The following CFAP65 variants were observed in gnomAD, a reference collection of about 807,000 sequenced individuals.
CFAP65 encodes cilia- and flagella-associated protein 65.
A neutral mutation model predicts 208.0 loss-of-function variants in CFAP65; 155 were observed. The ratio of observed to expected loss-of-function variants is 0.75; its 90% confidence interval spans 0.65 to 0.85. CFAP65 has a LOEUF of 0.85. Among genes scored for constraint, CFAP65 ranks in the 40% least tolerant of loss-of-function variants. The pLI, the probability that CFAP65 is intolerant of heterozygous loss-of-function variation, is 0.00. For synonymous variants in CFAP65, 970 were observed against 986.3 expected (o/e 0.98, Z 0.31); for missense variants, 2,294 against 2,451.3 (o/e 0.94, Z 1.36).
intron 16 of CFAP65, 26 bp from the exon 17 acceptor site, chr2:219,022,355 A>G: frequency 1.9e-6 from 3 of 1,576,174 alleles, no homozygotes; most frequent in Non-Finnish European, 2.6e-6. Flanking sequence ...TGATCCCTGC[A>G]GTGGCCTTCG....
intron 20 of CFAP65, 129 bp from the exon 21 acceptor site, chr2:219,019,308 G>T (rs750182474): frequency 7.8e-7 from 1 of 1,284,392 alleles, no homozygotes; most frequent in Non-Finnish European, 1.1e-6. Context: ...CAGGCGCAAG[G>T]GTGGGCTGGC....
Position 219,031,316 on chromosome 2 carries a change from G to T in CFAP65, c.816-11C>A. ...AAGGTGGGCAGGTCCCTGGGGGTGG[G>T]GGGCAGGTCAGGGCACTGGGCTCCC... On this transcript the variant is annotated splice_polypyrimidine_tract_variant and intron_variant, in intron 7 of 34. Transcript: ENST00000341552. This position sits in a 1 kb window ranked among gnomAD's most constrained non-coding sequence, Gnocchi z 5.2. The T allele has an allele frequency of 6.2e-7, 1 of 1,613,100 alleles. No homozygotes were observed. The highest frequency in any genetic ancestry group is 8.5e-7 in the Non-Finnish European group (1 of 1,179,268).
rs913150452 is a variant in CFAP65 at position 219,004,870 on chromosome 2, G to A, written c.5052-415C>T. ...TGGTGGGATCTTGCAAAGAAGTTCT[G>A]TTTCTTTTTTTCTTTTCTCTCTCTC... On this transcript the variant is annotated intron_variant, in intron 32 of 34. Transcript: ENST00000341552. This position sits in a 1 kb window ranked among gnomAD's most constrained non-coding sequence, Gnocchi z 4.7. Among the ~76,000 whole-genome samples, 1 of 146,156 alleles carries A rather than the reference G, an allele frequency of 6.8e-6. No homozygotes were observed. The highest frequency in any genetic ancestry group is 2.8e-5 in the African/African-American group (1 of 35,872).
At chr2:219,007,186 T>G (rs1946077205) in intron 29 of CFAP65, among the ~76,000 whole-genome samples, 1 of 151,590 alleles carries the variant, frequency 6.6e-6, no homozygotes, top group Non-Finnish European at 1.5e-5. Flanking sequence ...TTCTTTGTTT[T>G]TTTTTTTGAC....
At chr2:219,006,249 AC>A (rs775339272) in intron 30 of CFAP65, 26 bp from the exon 31 acceptor site, 11 of 1,593,674 alleles carry the variant, frequency 6.9e-6, no homozygotes, top group Non-Finnish European at 9.4e-6. Flanking sequence ...GACATGGATG[AC>A]AAGGGTTTGG....
rs370228808 is a variant in CFAP65, at chr2:219,003,935, G to C, written c.5555+17C>G. On this transcript the variant is annotated intron_variant, in intron 33 of 34. Coordinates refer to ENST00000341552, the MANE Select transcript of CFAP65 (RefSeq NM_194302.4). This position sits in a 1 kb window ranked among gnomAD's most constrained non-coding sequence, Gnocchi z 4.4. ...ACTTCGCCTCCCTCCCGTCCTCACT[G>C]GGGCCTGGCTGCTCACCTTCTGATG... The C allele has an allele frequency of 3.2e-4, 515 of 1,601,768 alleles. No individual in the cohort carries two copies. Among genetic ancestry groups the C allele is most frequent in the Non-Finnish European group, 4.1e-4 (483 of 1,172,642 alleles).
At position 219,024,138 on chromosome 2, in the gene CFAP65, G is replaced by A. The variant is rs1279198124; in HGVS notation, c.2472C>T (p.Pro824=). The part of the protein sequence containing the change: ...PQRGSDVILR[P]TSGLVAPGAH... Reference sequence around the variant, plus strand: ...CCCCGGGTGCCACAAGGCCCGAAGTGGGCCGAAGGATGACGTCTGAGCCTC... The same window carrying A: ...CCCCGGGTGCCACAAGGCCCGAAGTAGGCCGAAGGATGACGTCTGAGCCTC... The change falls in exon 15 of 35, where the codon CCC becomes CCT. Residue 824 remains proline, a synonymous_variant. Coordinates refer to ENST00000341552, the MANE Select transcript of CFAP65 (RefSeq NM_194302.4). The A allele has an allele frequency of 6.2e-7, 1 of 1,613,932 alleles. No homozygotes were observed. The highest frequency in any genetic ancestry group is 8.5e-7 in the Non-Finnish European group (1 of 1,180,038).
At chr2:219,035,776 AG>A (rs1274875682) in intron 4 of CFAP65, 112 bp from the exon 5 acceptor site, 1 of 1,475,480 alleles carries the variant, frequency 6.8e-7, no homozygotes, top group East Asian at 2.3e-5. Flanking sequence ...AGAAAATAAA[AG>A]ACAAGAAGAA....
At chr2:219,028,550 G>GC in intron 11 of CFAP65, 149 bp from the exon 12 acceptor site, 1 of 694,092 alleles carries the variant, frequency 1.4e-6, no homozygotes, top group Non-Finnish European at 2.5e-6. Flanking sequence ...CAAGCACTCA[G>GC]CAGTGGTCTG....
At position 219,032,607 on chromosome 2, in the gene CFAP65, CA is replaced by C; in HGVS notation, c.543-36del. The C allele has an allele frequency of 6.5e-7, 1 of 1,546,626 alleles. No homozygotes were observed. Among genetic ancestry groups the C allele is most frequent in the Non-Finnish European group, 8.8e-7 (1 of 1,138,662 alleles). On this transcript the variant is annotated intron_variant, in intron 5 of 34. Coordinates refer to ENST00000341552, the MANE Select transcript of CFAP65 (RefSeq NM_194302.4). This position sits in a 1 kb window ranked among gnomAD's most constrained non-coding sequence, Gnocchi z 5.5. The stretch of plus-strand genomic sequence containing the variant: ...AGAGCCGGTGGGGAGCACCTCAGAT[CA>C]GGGCTCAGAACAACTGGAAGAGGCA...
At position 219,020,734 on chromosome 2, in the gene CFAP65, G is replaced by A. The variant is rs1056776477; in HGVS notation, c.3259+418C>T. On this transcript the variant is annotated intron_variant, in intron 19 of 34. Coordinates refer to ENST00000341552, the MANE Select transcript of CFAP65 (RefSeq NM_194302.4). The stretch of plus-strand genomic sequence containing the variant: ...TGAGCACAGGGAGGTGAAGCAACTC[G>A]TTAAGGTTACAAGTGCTGGAGCCAG... 4.6e-5 allele frequency among the ~76,000 whole-genome samples: 7 copies of A among 152,300 alleles called. No individual in the cohort carries two copies. The East Asian group carries it at 5.8e-4, about 13-fold the overall frequency.
chr2:219,040,711 A>C (rs1230606852), intron 1 of CFAP65, 147 bp from the exon 2 acceptor site: 1 of 1,200,028 alleles, frequency 8.3e-7, no homozygotes, highest in African/African-American at 1.5e-5. Context: ...TCAACACATG[A>C]AACTATTCCA....
In CFAP65 at chr2:219,032,942, A is replaced by G. The variant is rs1948143306; in HGVS notation, c.543-370T>C. 6.6e-6 allele frequency among the ~76,000 whole-genome samples: 1 copy of G among 152,220 alleles called. No individual in the cohort carries two copies. The highest frequency in any genetic ancestry group is 1.5e-5 in the Non-Finnish European group (1 of 68,046). ...AGGGTGGGACCGGGGATGCCTTTCCAGAGACCTCAGCAGAGCTGTAGCATC... is the reference window on the plus strand; with the variant it reads ...AGGGTGGGACCGGGGATGCCTTTCCGGAGACCTCAGCAGAGCTGTAGCATC... On this transcript the variant is annotated intron_variant, in intron 5 of 34. Transcript: ENST00000341552. This position sits in a 1 kb window ranked among gnomAD's most constrained non-coding sequence, Gnocchi z 5.5.
chr2:219,003,902 C>T lies in CFAP65; in HGVS notation c.5555+50G>A. 6.4e-7 allele frequency: 1 copy of T among 1,568,536 alleles called. No homozygotes were observed. On this transcript the variant is annotated intron_variant, in intron 33 of 34. Transcript: ENST00000341552. The surrounding 1 kb of genome is among the most constrained non-coding windows in gnomAD (Gnocchi z 4.4). ...TTGGCATCCCACTGCCTCCTAGGAA[C>T]CTTCTGCACTTCGCCTCCCTCCCGT...
At position 219,009,085 on chromosome 2, in the gene CFAP65, G is replaced by C. The variant is rs762530874; in HGVS notation, c.4636C>G (p.Gln1546Glu). 5.0e-6 allele frequency: 8 copies of C among 1,612,870 alleles called. No homozygotes were observed. Among genetic ancestry groups the C allele is most frequent in the Admixed American group, 3.3e-5 (2 of 60,012 alleles). The change falls in exon 29 of 35, where the codon CAG becomes GAG. Residue 1546 changes from glutamine (Q) to glutamate (E), a missense_variant. Transcript: ENST00000341552. The stretch of plus-strand genomic sequence containing the variant: ...TCGGTGATGGTGAACTCCACTTCCT[G>C]CCGCACCTTCTCGTCCTTCCACTCC... ...LQEWKDEKVR[Q>E]EVEFTITDMK...
At chr2:219,005,976 G>C (rs1161062345) in intron 31 of CFAP65, 45 bp downstream of exon 31, 4 of 1,582,516 alleles carry the variant, frequency 2.5e-6, no homozygotes, top group Non-Finnish European at 3.5e-6. Context: ...TGGAAGAGGG[G>C]ACAGAGAGAA....
chr2:219,038,309 C>T, intron 4 of CFAP65, 66 bp downstream of exon 4: 5 of 1,489,410 alleles, frequency 3.4e-6, no homozygotes, highest in South Asian at 1.2e-5. Context: ...ACCCCACTGC[C>T]CTGCCACCCA....
At chr2:219,008,874 C>A (rs1946222627) in intron 29 of CFAP65, among the ~76,000 whole-genome samples, 173 bp downstream of exon 29, 1 of 152,232 alleles carries the variant, frequency 6.6e-6, no homozygotes, top group Non-Finnish European at 1.5e-5. Context: ...ACCCAGAGAG[C>A]CTCTCCGGAT....
In CFAP65 at chr2:219,004,935, TTTTCTTTCTTTCTTTC is replaced by T. The variant is rs61214924; in HGVS notation, c.5051+483_5052-481del. Reference sequence around the variant, plus strand: ...TCTTTCTCTCTCTTTCTCTCCTCTTTTTTCTTTCTTTCTTTCTTTCTTTCTCTCTCTTTCTTTCTTT... The same window carrying T: ...TCTTTCTCTCTCTTTCTCTCCTCTTTTTTCTTTCTCTCTCTTTCTTTCTTT... On this transcript the variant is annotated intron_variant, in intron 32 of 34. Transcript: ENST00000341552. This position sits in a 1 kb window ranked among gnomAD's most constrained non-coding sequence, Gnocchi z 4.7. Among the ~76,000 whole-genome samples the T allele has an allele frequency of 6.7e-6, 1 of 149,024 alleles. No individual in the cohort carries two copies. The highest frequency in any genetic ancestry group is 2.1e-4 in the South Asian group (1 of 4,704).
Sources: allele counts gnomAD v4.1 joint callset (sites outside exome capture counted in the v4.1 genomes callset), GRCh38; gene constraint gnomAD v4.1.1; non-coding constraint Gnocchi (gnomAD v3.1); transcripts MANE v1.5; gene names NCBI Gene and HGNC (gene_info 2026-07-23, HGNC 2026-07-21).